The following HOXB9 variants were observed in gnomAD, a reference collection of about 807,000 sequenced individuals.
The protein encoded by HOXB9 is homeobox protein Hox-B9.
A neutral mutation model predicts 21.5 loss-of-function variants in HOXB9; 10 were observed. The observed-to-expected ratio is 0.47, with a 90% CI of 0.29 to 0.79. The LOEUF (loss-of-function observed/expected upper bound fraction) is 0.79, where lower values mean the gene tolerates loss of function less well. Ranked by LOEUF, HOXB9 falls within the 30% of genes least tolerant of loss-of-function variation. The probability of loss-of-function intolerance (pLI) is 0.10; values close to 1 mark genes in which losing one functional copy is unlikely to be tolerated. For missense variants in HOXB9, 375 were observed against 338.7 expected, an observed-to-expected ratio of 1.11 and a Z score of -0.84; for synonymous variants, 156 against 151.2, an observed-to-expected ratio of 1.03 and a Z score of -0.23.
At position 48,623,570 on chromosome 17, in the gene HOXB9, C is replaced by T. The variant is rs79705621; in HGVS notation, c.518-435G>A. ...TGGGTGGGGAAGTGAGATGTCTGTTCAGTCACTGCATTTGGGGTGTCACTT... is the reference window on the plus strand; with the variant it reads ...TGGGTGGGGAAGTGAGATGTCTGTTTAGTCACTGCATTTGGGGTGTCACTT... On this transcript the variant is annotated intron_variant, in intron 1 of 1. Coordinates refer to ENST00000311177, the MANE Select transcript of HOXB9 (RefSeq NM_024017.5). Among the ~76,000 whole-genome samples the T allele has an allele frequency of 4.9e-3, 751 of 152,246 alleles. 8 individuals carry two copies. The highest frequency in any genetic ancestry group is 0.017 in the African/African-American group (701 of 41,540).
Position 48,626,345 on chromosome 17 carries a change from ACCCGGACC to A in HOXB9, c.-84_-77del. Reference sequence around the variant, plus strand: ...CGGCGCCCAAGCAGGGAGAGGTGGCACCCGGACCGGTGTGAGGGCTTTCGGACGCGACC... The same window carrying A: ...CGGCGCCCAAGCAGGGAGAGGTGGCAGGTGTGAGGGCTTTCGGACGCGACC... On this transcript the variant is annotated 5_prime_UTR_variant, in exon 1 of 2. Transcript: ENST00000311177. 1.4e-6 allele frequency: 2 copies of A among 1,476,786 alleles called. No homozygotes were observed. Among genetic ancestry groups the A allele is most frequent in the Non-Finnish European group, 1.8e-6 (2 of 1,104,134 alleles). The allele number at this position is 1,476,786 out of a possible 1,614,324, so 91.5% of individuals were successfully genotyped here. A position where few individuals can be genotyped will look rare whatever the true frequency, so the allele number is the denominator to read the frequency against.
At chr17:48,625,114 C>G (rs1328032879) in intron 1 of HOXB9, among the ~76,000 whole-genome samples, 2 of 152,242 alleles carry the variant, frequency 1.3e-5, no homozygotes, top group Non-Finnish European at 2.9e-5. Context: ...GCCGGCGCAT[C>G]CGGGGAGGGG....
chr17:48,624,574 C>T (rs1179745287), intron 1 of HOXB9, among the ~76,000 whole-genome samples: 1 of 152,082 alleles, frequency 6.6e-6, no homozygotes, highest in Admixed American at 6.5e-5. Flanking sequence ...GGCAAGGATG[C>T]TCTAAAGGGC....
chr17:48,623,877 C>T (rs756073001), intron 1 of HOXB9, among the ~76,000 whole-genome samples: 4 of 152,182 alleles, frequency 2.6e-5, no homozygotes, highest in Non-Finnish European at 5.9e-5. Flanking sequence ...TTGCAATAGT[C>T]TCTCTCCTTT....
intron 1 of HOXB9, among the ~76,000 whole-genome samples, chr17:48,624,189 T>C (rs2070793475): frequency 6.6e-6 from 1 of 152,224 alleles, no homozygotes; most frequent in East Asian, 1.9e-4. Flanking sequence ...CACCAGCTAC[T>C]AGCTTCCTTC....
rs139576077 is a variant in HOXB9, at chr17:48,623,088, G to A, written c.565C>T (p.Arg189Cys). 2.5e-6 allele frequency: 4 copies of A among 1,613,988 alleles called. No individual in the cohort carries two copies. Among genetic ancestry groups the A allele is most frequent in the Non-Finnish European group, 2.5e-6 (3 of 1,180,012 alleles). The change falls in exon 2 of 2, where the codon CGC becomes TGC. Residue 189 changes from arginine (R) to cysteine (C), a missense_variant. Physicochemically the swap from Arg to Cys is radical, Grantham distance 180 (BLOSUM62 -3). Transcript: ENST00000311177. ...GTCTGGTATTTGGTGTAGGGACAGC[G>A]CTTTTTCCGGGAAGAGCGAGCGTGC... is the stretch of plus-strand genomic sequence containing the variant. The part of the protein sequence containing the change: ...WLHARSSRKK[R>C]CPYTKYQTLE...
Position 48,625,991 on chromosome 17 carries a change from C to T in HOXB9, c.279G>A (p.Arg93=). ...QPQGVPPAES[R]YLRTWLEPAP... is the part of the protein sequence containing the mutation. ...CCGGCTCCAGCCAGGTGCGGAGGTA[C>T]CTGCTCTCGGCCGGCGGGACGCCCT... The change falls in exon 1 of 2, where the codon AGG becomes AGA. Residue 93 remains arginine (R), a synonymous_variant. Coordinates refer to ENST00000311177, the MANE Select transcript of HOXB9 (RefSeq NM_024017.5). The T allele has an allele frequency of 1.3e-6, 2 of 1,551,004 alleles. No individual in the cohort carries two copies. Among genetic ancestry groups the T allele is most frequent in the Non-Finnish European group, 1.7e-6 (2 of 1,154,726 alleles).
intron 1 of HOXB9, among the ~76,000 whole-genome samples, chr17:48,624,941 G>A (rs976032532): frequency 1.1e-4 from 16 of 152,086 alleles, no homozygotes; most frequent in Admixed American, 9.2e-4. Context: ...GAGATGCCCC[G>A]ATATTCGGAA....
In HOXB9 at chr17:48,626,263, T is replaced by C; in HGVS notation, c.7A>G (p.Ile3Val). The C allele has an allele frequency of 6.3e-7, 1 of 1,591,310 alleles. No homozygotes were observed. The highest frequency in any genetic ancestry group is 8.5e-7 in the Non-Finnish European group (1 of 1,174,526). ...TAATAGCTGCTAAGCGTCCCAGAAATGGACATTCTCAGACATTATCCGGGC... is the reference window on the plus strand; with the variant it reads ...TAATAGCTGCTAAGCGTCCCAGAAACGGACATTCTCAGACATTATCCGGGC... MS[I>V]SGTLSSYYVD... The change falls in exon 1 of 2, where the codon ATT becomes GTT. Residue 3 changes from isoleucine to valine, a missense_variant. Transcript: ENST00000311177.
intron 1 of HOXB9, among the ~76,000 whole-genome samples, chr17:48,625,392 CCCCGGCCCCCGCCAGCTCCTCT>C: frequency 6.6e-6 from 1 of 152,316 alleles, no homozygotes; most frequent in Admixed American, 6.5e-5. Flanking sequence ...TGGCCGCTGG[CCCCGGCCCCCGCCAGCTCCTCT>C]CCCGGCCGTC....
In HOXB9 at chr17:48,622,357, TA is replaced by T. The variant is rs2070777454; in HGVS notation, c.*542del. On this transcript the variant is annotated 3_prime_UTR_variant, in exon 2 of 2. Transcript: ENST00000311177. ...ACATCTCCCTGGTGGGTATTTGCATTAGGGGTAGAACCCGGGCTTGCCTGAC... is the reference window on the plus strand; with the variant it reads ...ACATCTCCCTGGTGGGTATTTGCATTGGGGTAGAACCCGGGCTTGCCTGAC... The T allele has an allele frequency of 6.5e-6, 1 of 153,698 alleles. No individual in the cohort carries two copies. Among genetic ancestry groups the T allele is most frequent in the South Asian group, 2.1e-4 (1 of 4,864 alleles). The allele number at this position is 153,698 out of a possible 1,614,324, so 9.5% of individuals were successfully genotyped here.
Position 48,623,132 on chromosome 17 carries a change from T to G in HOXB9, c.521A>C (p.Asn174Thr). ...AGCGTGCAGCCAGTTGGCGGAGGGG[T>G]TGGCTGAAAGAGAAGCAGCGATAGA... The part of the protein sequence containing the change: ...SEDKERPDQT[N>T]PSANWLHARS... The change falls in exon 2 of 2, where the codon AAC (asparagine) becomes ACC (threonine). Residue 174 changes from asparagine (N) to threonine (T), a missense_variant. By Grantham distance (65) the Asn-to-Thr change is moderately conservative. Transcript: ENST00000311177. The G allele has an allele frequency of 6.2e-7, 1 of 1,611,956 alleles. No individual in the cohort carries two copies. Among genetic ancestry groups the G allele is most frequent in the Non-Finnish European group, 8.5e-7 (1 of 1,179,112 alleles).
intron 1 of HOXB9, 77 bp from the exon 2 acceptor site, chr17:48,623,212 C>T (rs1472535637): frequency 8.7e-7 from 1 of 1,145,806 alleles, no homozygotes; most frequent in Non-Finnish European, 1.3e-6. Flanking sequence ...CTCCCTTGGT[C>T]TCCACTCCCC....
intron 1 of HOXB9, 71 bp downstream of exon 1, chr17:48,625,682 T>G (rs2070806657): frequency 1.4e-6 from 2 of 1,425,250 alleles, no homozygotes; most frequent in Non-Finnish European, 1.8e-6. Flanking sequence ...TGTCCGCAGT[T>G]TATTGCCTTT....
rs953597449 is a variant in HOXB9, at chr17:48,622,862, G to C, written c.*38C>G. The stretch of plus-strand genomic sequence containing the variant: ...TCGTCACATAACTAAGAGTGAGATG[G>C]GGAAGAGCTAGGGAGGACTGGGGGT... On this transcript the variant is annotated 3_prime_UTR_variant, in exon 2 of 2. Coordinates refer to ENST00000311177, the MANE Select transcript of HOXB9 (RefSeq NM_024017.5). The C allele has an allele frequency of 1.4e-6, 2 of 1,463,576 alleles. No homozygotes were observed. Among genetic ancestry groups the C allele is most frequent in the African/African-American group, 2.8e-5 (2 of 71,770 alleles). 90.7% of individuals were successfully genotyped at this position (1,463,576 alleles called of 1,614,324 possible).
In HOXB9 at chr17:48,622,588, C is replaced by G; in HGVS notation, c.*312G>C. 5.2e-5 allele frequency: 15 copies of G among 288,996 alleles called. No homozygotes were observed. Among genetic ancestry groups the G allele is most frequent in the South Asian group, 1.8e-4 (4 of 22,132 alleles). 17.9% of individuals were successfully genotyped at this position (288,996 alleles called of 1,614,324 possible). ...GCTGGAAGTGAGGGGCTAGGACTTC[C>G]CAGAAAAATTACAGGGCATACTAGG... On this transcript the variant is annotated 3_prime_UTR_variant, in exon 2 of 2. Transcript: ENST00000311177.
rs2070812313 is a variant in HOXB9, at chr17:48,626,027, G to A, written c.243C>T (p.Tyr81=). ...SGSLPSVYHP[Y]IQPQGVPPAE... ...CCGGCGGGACGCCCTGGGGCTGGAT[G>A]TAAGGGTGGTAGACGGACGGCAGGC... Residue 81 remains tyrosine, a synonymous_variant, in exon 1 of 2, where the codon TAC becomes TAT. Transcript: ENST00000311177. 1.3e-6 allele frequency: 2 copies of A among 1,577,228 alleles called. No homozygotes were observed. Among genetic ancestry groups the A allele is most frequent in the African/African-American group, 1.3e-5 (1 of 74,836 alleles).
rs2070769801 is a variant in HOXB9 at position 48,621,490 on chromosome 17, T to A, written c.*1410A>T. 6.6e-6 allele frequency: 1 copy of A among 152,354 alleles called. No homozygotes were observed. The highest frequency in any genetic ancestry group is 1.5e-5 in the Non-Finnish European group (1 of 68,116). 9.4% of individuals were successfully genotyped at this position (152,354 alleles called of 1,614,324 possible). On this transcript the variant is annotated 3_prime_UTR_variant, in exon 2 of 2. Transcript: ENST00000311177. ...AGAGAGTAAGCTTCCATCTGATGCT[T>A]AGGTGCCATTTTGCCCCTTTCCTTT...
chr17:48,625,677 G>T lies in HOXB9; in HGVS notation c.517+76C>A, dbSNP rs2070806628. On this transcript the variant is annotated intron_variant, in intron 1 of 1. Transcript: ENST00000311177. The stretch of plus-strand genomic sequence containing the variant: ...GCCGCAGTTTCCCTTCACATTGTCC[G>T]CAGTTTATTGCCTTTCCCCTCCCCG... The T allele has an allele frequency of 1.6e-5, 22 of 1,391,766 alleles. No homozygotes were observed. In the South Asian group the frequency reaches 2.9e-4, roughly 19 times the overall value. 86.2% of individuals were successfully genotyped at this position (1,391,766 alleles called of 1,614,324 possible).
Sources: gnomAD v4.1 joint callset for allele counts (sites outside exome capture counted in the v4.1 genomes callset) on GRCh38, gnomAD v4.1.1 for gene constraint, MANE v1.5 for transcripts, NCBI Gene and HGNC (gene_info 2026-07-23, HGNC 2026-07-21) for gene names.